SAMMSON: variants seen among roughly 807,000 people sequenced by gnomAD.
SAMMSON encodes long intergenic non-protein coding RNA 1212.
intron 4 of SAMMSON, among the ~76,000 whole-genome samples, chr3:70,163,484 A>G (rs979133575): frequency 4.6e-5 from 7 of 151,862 alleles, no homozygotes; most frequent in African/African-American, 1.7e-4. Flanking sequence ...TTCTTCCAGT[A>G]TAGTTCCCTT....
At chr3:70,009,367 G>A (rs558500850) in intron 1 of SAMMSON, 5 of 152,084 alleles carry the variant, frequency 3.3e-5, no homozygotes, top group Non-Finnish European at 5.9e-5. Flanking sequence ...TTTATTCTTG[G>A]GAGGGGTGTA....
chr3:70,097,480 T>C (rs1001246624), intron 4 of SAMMSON, among the ~76,000 whole-genome samples: 2 of 152,220 alleles, frequency 1.3e-5, no homozygotes, highest in Non-Finnish European at 1.5e-5. Context: ...AGTCTATATA[T>C]TTCCATTAAA....
chr3:70,325,910 C>A (rs1009029111), intron 7 of SAMMSON, among the ~76,000 whole-genome samples: 1 of 152,134 alleles, frequency 6.6e-6, no homozygotes, highest in Non-Finnish European at 1.5e-5. Flanking sequence ...GATCTAGACA[C>A]CTTTTCTCGG....
intron 1 of SAMMSON, among the ~76,000 whole-genome samples, chr3:70,009,584 A>G (rs1457481465): frequency 6.6e-6 from 1 of 151,904 alleles, no homozygotes; most frequent in Non-Finnish European, 1.5e-5. Context: ...TTTTCAGAAA[A>G]CCAGCTCCTG....
rs78157294 is a variant in SAMMSON at position 70,180,063 on chromosome 3, A to G, written n.508-69044A>G. Among the ~76,000 whole-genome samples the G allele has an allele frequency of 3.4e-3, 520 of 151,486 alleles. 4 individuals are homozygous for G. The highest frequency in any genetic ancestry group is 0.012 in the African/African-American group (503 of 41,298). On this transcript the variant is annotated intron_variant and non_coding_transcript_variant, in intron 4 of 9. Coordinates refer to ENST00000642114, the Ensembl canonical transcript of SAMMSON. ...GTGTGTGAAGAAAAAAATGGGTAGAAAGGAAGGAGTTTGTTTTCAGTTTTG... is the reference window on the plus strand; with the variant it reads ...GTGTGTGAAGAAAAAAATGGGTAGAGAGGAAGGAGTTTGTTTTCAGTTTTG...
chr3:70,237,979 C>CTTTTTTTTTTTTTTTTTT lies in SAMMSON; in HGVS notation n.508-11119_508-11102dup, dbSNP rs71672662. Among the ~76,000 whole-genome samples, 116 of 48,942 alleles carry CTTTTTTTTTTTTTTTTTT rather than the reference C, an allele frequency of 2.4e-3. 39 individuals carry two copies. The highest frequency in any genetic ancestry group is 7.2e-3 in the African/African-American group (68 of 9,428). 32.1% of individuals were successfully genotyped at this position (48,942 alleles called of 152,430 possible). ...GGAAAAGAAACTAATTGAGTGGTAT[C>CTTTTTTTTTTTTTTTTTT]TTTTTTTTTTTTTTTTTTTTTTTTT... On this transcript the variant is annotated intron_variant and non_coding_transcript_variant, in intron 4 of 9. Coordinates refer to ENST00000642114, the Ensembl canonical transcript of SAMMSON.
At position 70,071,318 on chromosome 3, in the gene SAMMSON, T is replaced by C. The variant is rs144818456; in HGVS notation, n.418-158T>C. On this transcript the variant is annotated intron_variant and non_coding_transcript_variant, in intron 3 of 9. Coordinates refer to ENST00000642114, the Ensembl canonical transcript of SAMMSON. ...ACATTAGAGAGGAAATTGGGGCTAA[T>C]GATTTAGGAATGTGCTAATTAATTC... 5.9e-3 allele frequency among the ~76,000 whole-genome samples: 904 copies of C among 152,204 alleles called. 42 individuals carry two copies. The highest frequency in any genetic ancestry group is 0.054 in the Admixed American group (830 of 15,258).
At chr3:70,135,548 T>C (rs13062309) in intron 4 of SAMMSON, among the ~76,000 whole-genome samples, 1 of 152,154 alleles carries the variant, frequency 6.6e-6, no homozygotes, top group East Asian at 1.9e-4. Flanking sequence ...TTTGCATAAG[T>C]CTTTTTCTCA....
intron 1 of SAMMSON, among the ~76,000 whole-genome samples, chr3:70,010,701 CT>C (rs1292226581): frequency 8.5e-6 from 1 of 117,330 alleles, no homozygotes; most frequent in Non-Finnish European, 1.8e-5. Flanking sequence ...AGAACTTTTA[CT>C]GCTTTCCTAG....
chr3:70,000,924 C>A (rs1405189735), intron 1 of SAMMSON, among the ~76,000 whole-genome samples: 1 of 152,138 alleles, frequency 6.6e-6, no homozygotes, highest in Non-Finnish European at 1.5e-5. Flanking sequence ...TAACCCTTGA[C>A]TATTTATCTT....
chr3:70,372,245 T>C (rs1463959541), intron 9 of SAMMSON, among the ~76,000 whole-genome samples: 2 of 152,058 alleles, frequency 1.3e-5, no homozygotes, highest in African/African-American at 4.8e-5. Flanking sequence ...TTTTTATTCC[T>C]TAATTTGTTG....
At position 70,149,381 on chromosome 3, in the gene SAMMSON, G is replaced by T. The variant is rs115032318; in HGVS notation, n.507+77816G>T. ...TGCTTCTACAGTTAGTAGTGGCTTAGAACAGTCCCTAATCATGTGTTTGAG... is the reference window on the plus strand; with the variant it reads ...TGCTTCTACAGTTAGTAGTGGCTTATAACAGTCCCTAATCATGTGTTTGAG... On this transcript the variant is annotated intron_variant and non_coding_transcript_variant, in intron 4 of 9. Transcript: ENST00000642114. Among the ~76,000 whole-genome samples the T allele has an allele frequency of 4.0e-3, 614 of 152,160 alleles. 7 individuals carry two copies. The highest frequency in any genetic ancestry group is 0.014 in the African/African-American group (594 of 41,536).
intron 6 of SAMMSON, among the ~76,000 whole-genome samples, chr3:70,280,634 T>G (rs1481655132): frequency 1.3e-5 from 2 of 152,150 alleles, no homozygotes. Flanking sequence ...TCCTCCTTTC[T>G]CTCAGTCTCA....
chr3:70,073,321 A>C (rs2067236806), intron 4 of SAMMSON, among the ~76,000 whole-genome samples: 2 of 152,110 alleles, frequency 1.3e-5, no homozygotes, highest in African/African-American at 2.4e-5. Context: ...ACAACATGAA[A>C]AATGAAATAT....
intron 4 of SAMMSON, among the ~76,000 whole-genome samples, chr3:70,234,461 C>T (rs1263673816): frequency 2.6e-5 from 4 of 151,838 alleles, no homozygotes; most frequent in Non-Finnish European, 5.9e-5. Flanking sequence ...CCAGCCTGGG[C>T]AACATAACAA....
At position 70,232,804 on chromosome 3, in the gene SAMMSON, TTC is replaced by T. The variant is rs1701573125; in HGVS notation, n.508-16301_508-16300del. ...CTGACTTCTTACTGGGTTGGAGATT[TTC>T]TGTTTGTCTTCCCAGGGTGATTCTC... On this transcript the variant is annotated intron_variant and non_coding_transcript_variant, in intron 4 of 9. Transcript: ENST00000642114. Among the ~76,000 whole-genome samples, 3 of 152,192 alleles carry T rather than the reference TTC, an allele frequency of 2.0e-5. No individual in the cohort carries two copies. The South Asian group carries it at 6.2e-4, about 32-fold the overall frequency.
At chr3:70,383,937 T>A (rs1292115807) in intron 9 of SAMMSON, among the ~76,000 whole-genome samples, 1 of 152,086 alleles carries the variant, frequency 6.6e-6, no homozygotes, top group Non-Finnish European at 1.5e-5. Context: ...CAGCACTACC[T>A]GTCAATTTTT....
At chr3:70,254,264 G>C (rs1701795152) in intron 6 of SAMMSON, among the ~76,000 whole-genome samples, 1 of 152,084 alleles carries the variant, frequency 6.6e-6, no homozygotes, top group Non-Finnish European at 1.5e-5. Flanking sequence ...ATAAATTAAA[G>C]TCATATTTTA....
At chr3:70,378,368 A>G (rs1488179921) in intron 9 of SAMMSON, among the ~76,000 whole-genome samples, 1 of 152,026 alleles carries the variant, frequency 6.6e-6, no homozygotes, top group Non-Finnish European at 1.5e-5. Flanking sequence ...AGAAATGTCT[A>G]TAGAATGATT....
Sources: allele counts gnomAD v4.1 joint callset (sites outside exome capture counted in the v4.1 genomes callset), GRCh38; gene constraint gnomAD v4.1.1; transcripts MANE v1.5; gene names NCBI Gene and HGNC (gene_info 2026-07-23, HGNC 2026-07-21).